Variants in TRHDE observed in about 807,000 individuals in gnomAD.
TRHDE encodes thyrotropin releasing hormone degrading enzyme.
Under a neutral mutation model 125.7 loss-of-function variants are expected in TRHDE, and 72 were observed. The ratio of observed to expected loss-of-function variants is 0.57; its 90% CI spans 0.47 to 0.70. The LOEUF (loss-of-function observed/expected upper bound fraction) is 0.70, where lower values mean the gene tolerates loss of function less well. TRHDE is among the 30% of genes least tolerant of loss of function. The pLI, the probability that TRHDE is intolerant of heterozygous loss-of-function variation, is 0.00. For synonymous variants in TRHDE, 509 were observed against 509.1 expected, an observed-to-expected ratio of 1.00 and a Z score of 0.00; for missense variants, 1,110 against 1,327.1, an observed-to-expected ratio of 0.84 and a Z score of 2.54.
At chr12:72,091,918 G>C (rs112456494) in intron 1 of TRHDE, among the ~76,000 whole-genome samples, 1 of 152,214 alleles carries the variant, frequency 6.6e-6, no homozygotes, top group Non-Finnish European at 1.5e-5. Flanking sequence ...CTCAGGGGCT[G>C]CCTTTGCTCA....
intron 2 of TRHDE, among the ~76,000 whole-genome samples, chr12:72,145,252 ATTG>A (rs1268528748): frequency 2.0e-5 from 3 of 152,014 alleles, no homozygotes; most frequent in African/African-American, 7.2e-5. Context: ...GAGATTTTAA[ATTG>A]TTGTTGCTTT....
intron 3 of TRHDE, among the ~76,000 whole-genome samples, chr12:72,426,559 G>A (rs932325570): frequency 3.3e-5 from 5 of 151,914 alleles, no homozygotes; most frequent in African/African-American, 1.2e-4. Context: ...AATTTTCTAG[G>A]TGAGGGACCT....
chr12:72,427,646 T>C (rs923264279), intron 3 of TRHDE, among the ~76,000 whole-genome samples: 24 of 152,128 alleles, frequency 1.6e-4, no homozygotes, highest in African/African-American at 5.5e-4. Context: ...CGTAAGTTAT[T>C]GAGAATGCAA....
intron 2 of TRHDE, among the ~76,000 whole-genome samples, chr12:72,318,168 G>A (rs189680928): frequency 2.2e-3 from 339 of 152,260 alleles, no homozygotes; most frequent in African/African-American, 7.9e-3. Flanking sequence ...AGCAATGGGG[G>A]TGTGGTGTGT....
Position 72,566,675 on chromosome 12 carries a change from G to T in TRHDE, c.2043-1893G>T, listed in dbSNP as rs185702675. On this transcript the variant is annotated intron_variant, in intron 9 of 18. Transcript: ENST00000261180. ...CATTTTATGATCATGCTACAAAAAA[G>T]ACACATTTGTCCTTGAGAATTTTTA... 4.7e-3 allele frequency among the ~76,000 whole-genome samples: 721 copies of T among 151,854 alleles called. 5 individuals carry two copies. The highest frequency in any genetic ancestry group is 8.2e-3 in the Non-Finnish European group (556 of 67,746).
At chr12:72,250,859 TA>T (rs1203368244) in intron 2 of TRHDE, among the ~76,000 whole-genome samples, 5 of 145,854 alleles carry the variant, frequency 3.4e-5, no homozygotes, top group African/African-American at 1.2e-4. Flanking sequence ...TATATATATA[TA>T]TATTTTATTT....
intron 3 of TRHDE, among the ~76,000 whole-genome samples, chr12:72,423,360 C>G (rs1323982767): frequency 2.0e-5 from 3 of 152,178 alleles, no homozygotes; most frequent in Admixed American, 6.5e-5. Flanking sequence ...TTACCTTCCT[C>G]TTTACATAGG....
At chr12:72,470,740 A>G (rs534986053) in intron 4 of TRHDE, among the ~76,000 whole-genome samples, 6 of 152,250 alleles carry the variant, frequency 3.9e-5, no homozygotes, top group Non-Finnish European at 7.4e-5. Context: ...TGAAAAAACT[A>G]AGGAAAGAGT....
intron 4 of TRHDE, among the ~76,000 whole-genome samples, chr12:72,470,281 A>T (rs773367458): frequency 2.5e-4 from 38 of 152,240 alleles, no homozygotes; most frequent in Non-Finnish European, 4.1e-4. Flanking sequence ...TCGCTGCAAG[A>T]TGCAGCTGAG....
intron 2 of TRHDE, among the ~76,000 whole-genome samples, chr12:72,126,017 G>A (rs996248195): frequency 6.6e-6 from 1 of 152,152 alleles, no homozygotes; most frequent in Admixed American, 6.5e-5. Context: ...ACAGAACCCT[G>A]GGAGGGTGTC....
At chr12:72,148,295 A>T (rs1374753342) in intron 2 of TRHDE, among the ~76,000 whole-genome samples, 1 of 152,230 alleles carries the variant, frequency 6.6e-6, no homozygotes, top group Non-Finnish European at 1.5e-5. Flanking sequence ...AAAATATGTG[A>T]TATTTCCAAG....
chr12:72,474,190 A>T (rs1805922760), intron 5 of TRHDE, among the ~76,000 whole-genome samples: 1 of 152,116 alleles, frequency 6.6e-6, no homozygotes, highest in Non-Finnish European at 1.5e-5. Context: ...ACATTCATAA[A>T]ACAAATGGTC....
Position 72,352,617 on chromosome 12 carries a change from G to A in TRHDE, c.1189-25378G>A, listed in dbSNP as rs746772273. ...TGGGCTAGGCAGTTTGTGTGCCACT[G>A]TTATCAATTTCTGTGTTGTTATAAG... On this transcript the variant is annotated intron_variant, in intron 2 of 18. Transcript: ENST00000261180. Among the ~76,000 whole-genome samples, 100 of 151,700 alleles carry A rather than the reference G, an allele frequency of 6.6e-4. 3 individuals carry two copies. The highest frequency in any genetic ancestry group is 3.4e-4 in the Non-Finnish European group (23 of 67,814).
chr12:72,341,165 G>A (rs563140352), intron 2 of TRHDE, among the ~76,000 whole-genome samples: 1 of 150,700 alleles, frequency 6.6e-6, no homozygotes, highest in South Asian at 2.1e-4. Context: ...CTAAGTTCTA[G>A]GGTACATGTG....
At chr12:72,392,277 A>G (rs1472475314) in intron 3 of TRHDE, among the ~76,000 whole-genome samples, 1 of 152,218 alleles carries the variant, frequency 6.6e-6, no homozygotes, top group East Asian at 1.9e-4. Flanking sequence ...GATTTGTAGT[A>G]AAGAATGCCA....
chr12:72,343,642 T>C (rs1870182971), intron 2 of TRHDE, among the ~76,000 whole-genome samples: 1 of 152,168 alleles, frequency 6.6e-6, no homozygotes, highest in South Asian at 2.1e-4. Context: ...TCAGTGTTAT[T>C]TGTTTTAAAT....
intron 2 of TRHDE, among the ~76,000 whole-genome samples, chr12:72,224,154 G>C (rs12816219): frequency 7.2e-3 from 269 of 37,516 alleles, no homozygotes; most frequent in African/African-American, 0.023. Flanking sequence ...ATCTATGTAT[G>C]TATGTATGTA....
chr12:72,115,573 G>A (rs1875424499), intron 2 of TRHDE, among the ~76,000 whole-genome samples: 1 of 152,068 alleles, frequency 6.6e-6, no homozygotes, highest in Non-Finnish European at 1.5e-5. Flanking sequence ...CTAACAGTGA[G>A]ATTGCCGAAT....
chr12:72,518,016 G>C (rs1470634092), intron 6 of TRHDE, among the ~76,000 whole-genome samples: 1 of 148,370 alleles, frequency 6.7e-6, no homozygotes, highest in African/African-American at 2.5e-5. Context: ...GAGATAGTTT[G>C]TTATAATTTC....
Sources: gnomAD v4.1 joint callset for allele counts (sites outside exome capture counted in the v4.1 genomes callset) on GRCh38, gnomAD v4.1.1 for gene constraint, MANE v1.5 for transcripts, NCBI Gene and HGNC (gene_info 2026-07-23, HGNC 2026-07-21) for gene names.